Variants in SYNE2 observed in about 807,000 individuals in gnomAD.
SYNE2 encodes spectrin repeat containing nuclear envelope protein 2.
SYNE2 carries 431 observed loss-of-function variants against 856.3 expected under a neutral mutation model. The ratio of observed to expected loss-of-function variants is 0.50; its 90% CI spans 0.47 to 0.55. The LOEUF (loss-of-function observed/expected upper bound fraction) is 0.55, where lower values mean the gene tolerates loss of function less well. SYNE2 is among the 20% of genes least tolerant of loss of function. The pLI is 0.00. For synonymous variants in SYNE2, 2,923 were observed against 2,872.3 expected, an observed-to-expected ratio of 1.02 and a Z score of -0.56; for missense variants, 8,129 against 8,023.2, an observed-to-expected ratio of 1.01 and a Z score of -0.50.
intron 94 of SYNE2, among the ~76,000 whole-genome samples, chr14:64,174,417 A>G (rs1347504576): frequency 6.6e-6 from 1 of 152,228 alleles, no homozygotes; most frequent in East Asian, 1.9e-4. Context: ...GAAAGCCTAC[A>G]TGATATTCGG....
At chr14:64,126,182 C>T (rs2097943171) in intron 71 of SYNE2, 145 bp from the exon 72 acceptor site, 2 of 693,004 alleles carry the variant, frequency 2.9e-6, no homozygotes, top group African/African-American at 3.6e-5. Flanking sequence ...ATTTGTTCTG[C>T]TACCTAGTTC....
intron 1 of SYNE2, among the ~76,000 whole-genome samples, chr14:63,867,400 AGAG>A (rs1895669653): frequency 1.8e-5 from 2 of 113,682 alleles, no homozygotes; most frequent in Non-Finnish European, 3.8e-5. Flanking sequence ...AAAAAAAAAG[AGAG>A]AGAGAGAGAA....
Position 64,129,894 on chromosome 14 carries a change from A to G in SYNE2, c.14132A>G (p.Lys4711Arg), listed in dbSNP as rs1233937897. The G allele has an allele frequency of 6.2e-7, 1 of 1,614,130 alleles. No individual in the cohort carries two copies. The highest frequency in any genetic ancestry group is 1.3e-5 in the African/African-American group (1 of 75,036). Residue 4711 changes from lysine to arginine, a missense_variant, in exon 75 of 116, where the codon AAA becomes AGA. Coordinates refer to ENST00000555002, the MANE Select transcript of SYNE2 (RefSeq NM_182914.3). ...LPYALLQEVY[K>R]LEDVLDSMWG... Reference sequence around the variant, plus strand: ...TATGCTTTACTCCAGGAGGTTTACAAATTAGAGGTATGCCTGAGCAGAAAA... The same window carrying G: ...TATGCTTTACTCCAGGAGGTTTACAGATTAGAGGTATGCCTGAGCAGAAAA...
chr14:64,092,038 C>T (rs1025338300), intron 60 of SYNE2, among the ~76,000 whole-genome samples: 1 of 152,122 alleles, frequency 6.6e-6, no homozygotes, highest in Non-Finnish European at 1.5e-5. Flanking sequence ...CAACTGATGT[C>T]ATTCTGTAAC....
intron 1 of SYNE2, among the ~76,000 whole-genome samples, chr14:63,902,338 G>A (rs1452549435): frequency 6.8e-6 from 1 of 146,326 alleles, no homozygotes; most frequent in Non-Finnish European, 1.5e-5. Context: ...TGGAACCCGG[G>A]AAGCAGAGGT....
intron 57 of SYNE2, among the ~76,000 whole-genome samples, chr14:64,085,664 T>C (rs2097555881): frequency 6.6e-6 from 1 of 152,232 alleles, no homozygotes. Context: ...CTTCATGTTT[T>C]CAACAGCGCT....
In SYNE2 at chr14:64,053,331, A is replaced by C; in HGVS notation, c.9418A>C (p.Met3140Leu). 1 of 1,611,348 alleles carries C rather than the reference A, an allele frequency of 6.2e-7. No homozygotes were observed. ...NDKLYKVLQN[M>L]VLELSPKELD... ...TAAGTTATACAAAGTTCTCCAAAACATGGTATTAGAACTCTCACCAAAAGA... is the reference window on the plus strand; with the variant it reads ...TAAGTTATACAAAGTTCTCCAAAACCTGGTATTAGAACTCTCACCAAAAGA... The change falls in exon 48 of 116, where the codon ATG (methionine) becomes CTG (leucine). Residue 3140 changes from methionine (M) to leucine (L), a missense_variant. Around this residue, in one of 3 missense-constraint regions of SYNE2, gnomAD observed 5,410 missense variants for 5,284.8 expected, o/e 1.02. Coordinates refer to ENST00000555002, the MANE Select transcript of SYNE2 (RefSeq NM_182914.3).
At chr14:63,783,095 T>G (rs1887373704) in intron 1 of SYNE2, among the ~76,000 whole-genome samples, 2 of 152,086 alleles carry the variant, frequency 1.3e-5, no homozygotes, top group Admixed American at 6.6e-5. Context: ...GTAATCCCCA[T>G]AATCCTCTTG....
chr14:64,186,418 A>T lies in SYNE2; in HGVS notation c.17557-6A>T, dbSNP rs775211172. ...CTTTTTACCCCCTTCTTGTGATTAA[A>T]TGCAGGAACTAGAACAGTCTTTGGC... On this transcript the variant is annotated splice_polypyrimidine_tract_variant and splice_region_variant and intron_variant, in intron 96 of 115. Coordinates refer to ENST00000555002, the MANE Select transcript of SYNE2 (RefSeq NM_182914.3). 5.6e-6 allele frequency: 9 copies of T among 1,614,182 alleles called. No homozygotes were observed. In the Admixed American group the frequency reaches 1.5e-4, roughly 27 times the overall value.
intron 11 of SYNE2, among the ~76,000 whole-genome samples, chr14:63,970,651 C>CTTTTTTTTTTTTTTTTTTT (rs61126600): frequency 1.7e-3 from 170 of 98,856 alleles, no homozygotes; most frequent in Middle Eastern, 6.0e-3. Context: ...TTTCTTTTTT[C>CTTTTTTTTTTTTTTTTTTT]TTTTTTTTTT....
intron 1 of SYNE2, among the ~76,000 whole-genome samples, chr14:63,877,858 C>T (rs754375857): frequency 6.7e-6 from 1 of 148,642 alleles, no homozygotes; most frequent in Non-Finnish European, 1.5e-5. Context: ...TAGCCAAGGT[C>T]ATTTGCATTA....
chr14:64,222,909 T>A (rs1354997511), intron 112 of SYNE2, among the ~76,000 whole-genome samples: 1 of 152,180 alleles, frequency 6.6e-6, no homozygotes, highest in Non-Finnish European at 1.5e-5. Context: ...GACCTGGTCT[T>A]CCCACACCAC....
intron 42 of SYNE2, 124 bp downstream of exon 42, chr14:64,026,854 G>T (rs2096984076): frequency 6.2e-5 from 73 of 1,170,700 alleles, no homozygotes; most frequent in Non-Finnish European, 8.9e-5. Flanking sequence ...GGTAATGTCA[G>T]GGACATCCAC....
intron 1 of SYNE2, among the ~76,000 whole-genome samples, chr14:63,877,372 G>A (rs2094748690): frequency 6.6e-6 from 1 of 152,142 alleles, no homozygotes; most frequent in African/African-American, 2.4e-5. Context: ...TCCAAGTTTA[G>A]GAGGAATAGG....
At position 63,928,209 on chromosome 14, in the gene SYNE2, A is replaced by C. The variant is rs367703477; in HGVS notation, c.80-12405A>C. Among the ~76,000 whole-genome samples, 35 of 152,278 alleles carry C rather than the reference A, an allele frequency of 2.3e-4. 1 individual carries two copies. Among genetic ancestry groups the C allele is most frequent in the African/African-American group, 8.2e-4 (34 of 41,560 alleles). On this transcript the variant is annotated intron_variant, in intron 2 of 115. Coordinates refer to ENST00000555002, the MANE Select transcript of SYNE2 (RefSeq NM_182914.3). ...AGGTTGGGGGTGTCCAACCCATGTG[A>C]TGGGAACATGGGCAAGGACTGGACT...
At chr14:63,995,354 C>A in intron 23 of SYNE2, 152 bp downstream of exon 23, 2 of 596,766 alleles carry the variant, frequency 3.4e-6, no homozygotes, top group Non-Finnish European at 5.9e-6. Context: ...TTCACACTCG[C>A]AGCAGAGCCT....
intron 64 of SYNE2, among the ~76,000 whole-genome samples, chr14:64,107,061 C>G (rs186471359): frequency 6.6e-6 from 1 of 152,120 alleles, no homozygotes; most frequent in Non-Finnish European, 1.5e-5. Flanking sequence ...TACCATGTTG[C>G]TCAGGCTGGT....
At chr14:63,975,712 G>A (rs2096536975) in intron 11 of SYNE2, among the ~76,000 whole-genome samples, 1 of 152,142 alleles carries the variant, frequency 6.6e-6, no homozygotes, top group Non-Finnish European at 1.5e-5. Context: ...GTATTTTAAG[G>A]TGCTTCCATG....
intron 1 of SYNE2, among the ~76,000 whole-genome samples, chr14:63,893,041 A>G (rs1193065620): frequency 2.0e-5 from 3 of 152,210 alleles, no homozygotes; most frequent in Admixed American, 1.3e-4. Context: ...CACAGTTACT[A>G]GAGTTAGACC....
Sources: allele counts gnomAD v4.1 joint callset (sites outside exome capture counted in the v4.1 genomes callset), GRCh38; gene constraint gnomAD v4.1.1; regional missense constraint gnomAD v4.1.1; transcripts MANE v1.5; gene names NCBI Gene and HGNC (gene_info 2026-07-23, HGNC 2026-07-21).